The following PDE4B variants were observed in gnomAD, a reference collection of about 807,000 sequenced individuals.
The protein encoded by PDE4B is phosphodiesterase 4B, also known as 3',5'-cyclic-AMP phosphodiesterase 4B.
A neutral mutation model predicts 82.2 loss-of-function variants in PDE4B; 20 were observed. The ratio of observed to expected loss-of-function variants is 0.24; its 90% CI spans 0.17 to 0.35. PDE4B has a LOEUF of 0.35. Among genes scored for constraint, PDE4B ranks in the 10% least tolerant of loss-of-function variants. PDE4B has a pLI of 1.00. For synonymous variants in PDE4B, 320 were observed against 318.9 expected, an observed-to-expected ratio of 1.00 and a Z score of -0.04; for missense variants, 655 against 907.2, an observed-to-expected ratio of 0.72 and a Z score of 3.57.
At chr1:66,335,737 T>G (rs1256274595) in intron 8 of PDE4B, among the ~76,000 whole-genome samples, 1 of 152,174 alleles carries the variant, frequency 6.6e-6, no homozygotes, top group East Asian at 1.9e-4. Context: ...TCAGCAGAAG[T>G]TTTACAAGGC....
chr1:66,047,107 A>G (rs921626045), intron 3 of PDE4B, among the ~76,000 whole-genome samples: 2 of 151,840 alleles, frequency 1.3e-5, no homozygotes, highest in South Asian at 4.1e-4. Context: ...AGTGATTCCT[A>G]TGAGAAATGT....
chr1:66,356,335 AT>A (rs1263107774), intron 9 of PDE4B, among the ~76,000 whole-genome samples: 2 of 152,182 alleles, frequency 1.3e-5, no homozygotes, highest in African/African-American at 4.8e-5. Context: ...CATGCGTGTT[AT>A]TTGATTATTT....
chr1:65,890,619 G>A (rs1349986462), intron 1 of PDE4B, among the ~76,000 whole-genome samples: 3 of 152,002 alleles, frequency 2.0e-5, no homozygotes, highest in Non-Finnish European at 1.5e-5. Context: ...GTAGTCAGCT[G>A]CAATCAGAGT....
At chr1:65,810,517 C>T (rs1645806878) in intron 1 of PDE4B, among the ~76,000 whole-genome samples, 1 of 152,068 alleles carries the variant, frequency 6.6e-6, no homozygotes, top group African/African-American at 2.4e-5. Flanking sequence ...CTAGTGCCTG[C>T]TTAAGACTCA....
intron 8 of PDE4B, among the ~76,000 whole-genome samples, chr1:66,334,351 AT>A (rs1490298075): frequency 2.6e-5 from 4 of 152,212 alleles, no homozygotes; most frequent in African/African-American, 9.7e-5. Flanking sequence ...TAGTATTCTA[AT>A]CCCATTCATG....
chr1:66,036,076 A>G (rs2100812649), intron 3 of PDE4B, among the ~76,000 whole-genome samples: 1 of 152,002 alleles, frequency 6.6e-6, no homozygotes, highest in South Asian at 2.1e-4. Flanking sequence ...TTTAATTTGC[A>G]TTTTACTAAT....
chr1:66,176,435 C>G (rs1028143961), intron 3 of PDE4B, among the ~76,000 whole-genome samples: 1 of 152,208 alleles, frequency 6.6e-6, no homozygotes, highest in South Asian at 2.1e-4. Context: ...AGTCAGATAG[C>G]TAAGACTTCC....
chr1:65,853,150 A>T (rs1271848269), intron 1 of PDE4B, among the ~76,000 whole-genome samples: 1 of 152,080 alleles, frequency 6.6e-6, no homozygotes, highest in Admixed American at 6.6e-5. Flanking sequence ...TTTTGTCCTA[A>T]TTACATTCCT....
At chr1:66,083,221 C>T (rs964051912) in intron 3 of PDE4B, among the ~76,000 whole-genome samples, 6 of 152,090 alleles carry the variant, frequency 3.9e-5, no homozygotes, top group Non-Finnish European at 8.8e-5. Flanking sequence ...TGTTCAGTAA[C>T]TTTAAATAGC....
intron 1 of PDE4B, among the ~76,000 whole-genome samples, chr1:65,829,949 C>G (rs1646063241): frequency 6.6e-6 from 1 of 152,088 alleles, no homozygotes; most frequent in African/African-American, 2.4e-5. Flanking sequence ...AGTGACACTT[C>G]AGTGGCAATG....
chr1:66,091,714 G>GT (rs1402221858), intron 3 of PDE4B, among the ~76,000 whole-genome samples: 3 of 151,966 alleles, frequency 2.0e-5, no homozygotes, highest in East Asian at 1.9e-4. Context: ...AATACTGCCT[G>GT]TTTTTTACTA....
chr1:66,136,467 T>C (rs368538944), intron 3 of PDE4B, among the ~76,000 whole-genome samples: 1 of 152,196 alleles, frequency 6.6e-6, no homozygotes, highest in East Asian at 1.9e-4. Context: ...CTTTGTACTT[T>C]GGGAGGCCAA....
chr1:66,326,923 C>T (rs1018641372), intron 7 of PDE4B, among the ~76,000 whole-genome samples: 1 of 152,130 alleles, frequency 6.6e-6, no homozygotes, highest in Non-Finnish European at 1.5e-5. Flanking sequence ...ACATAAAGGG[C>T]CCCTGTGCCT....
Position 66,006,615 on chromosome 1 carries a change from T to C in PDE4B, c.281+87780T>C, listed in dbSNP as rs1315836237. 3.3e-5 allele frequency among the ~76,000 whole-genome samples: 5 copies of C among 152,144 alleles called. No homozygotes were observed. The East Asian group carries it at 9.6e-4, about 29-fold the overall frequency. ...TCCACCCAAATCTCATCTTGAATTA[T>C]AGTTCCCTTAATCTTCATGTGTCAT... On this transcript the variant is annotated intron_variant, in intron 3 of 16. Transcript: ENST00000341517.
rs1413880267 is a variant in PDE4B at position 66,177,072 on chromosome 1, C to A, written c.282-70388C>A. Among the ~76,000 whole-genome samples, 4 of 152,204 alleles carry A rather than the reference C, an allele frequency of 2.6e-5. No individual in the cohort carries two copies. In the East Asian group the frequency reaches 7.7e-4, roughly 29 times the overall value. ...AGGTCCCGAGGAGAGCTAGCACCTG[C>A]TTCACAGAGGAGGTGACATTTGACT... On this transcript the variant is annotated intron_variant, in intron 3 of 16. Coordinates refer to ENST00000341517, the MANE Select transcript of PDE4B (RefSeq NM_002600.4).
rs766669874 is a variant in PDE4B, at chr1:66,361,724, T to C, written c.951T>C (p.Ser317=). ...QISGVKKLMH[S]SSLNNTSISR... is the part of the protein sequence containing the mutation. ...GTGGAGTGAAGAAATTAATGCATAG[T>C]TCAAGCCTAAACAATACAAGCATCT... The change falls in exon 10 of 17, where the codon AGT becomes AGC. Residue 317 remains serine, a synonymous_variant. Transcript: ENST00000341517. 2 of 1,613,644 alleles carry C rather than the reference T, an allele frequency of 1.2e-6. No individual in the cohort carries two copies. Among genetic ancestry groups the C allele is most frequent in the South Asian group, 1.1e-5 (1 of 91,066 alleles).
intron 9 of PDE4B, among the ~76,000 whole-genome samples, chr1:66,360,261 C>T (rs7525321): frequency 0.8 from 121,565 of 151,982 alleles, 49,260 homozygotes; most frequent in East Asian, 0.95. Context: ...AGAGACAATA[C>T]TGATATGTTA....
intron 6 of PDE4B, among the ~76,000 whole-genome samples, chr1:66,264,972 G>A (rs951143030): frequency 1.3e-5 from 2 of 152,186 alleles, no homozygotes; most frequent in East Asian, 1.9e-4. Context: ...AGTCGGCTGC[G>A]TATCCATGTT....
chr1:66,052,716 G>A (rs537583927), intron 3 of PDE4B, among the ~76,000 whole-genome samples: 1 of 152,258 alleles, frequency 6.6e-6, no homozygotes, highest in South Asian at 2.1e-4. Flanking sequence ...GGTATAGAGA[G>A]AGCACCTATA....
Sources: allele counts gnomAD v4.1 joint callset (sites outside exome capture counted in the v4.1 genomes callset), GRCh38; gene constraint gnomAD v4.1.1; transcripts MANE v1.5; gene names NCBI Gene and HGNC (gene_info 2026-07-23, HGNC 2026-07-21).